Variants in ENTPD1 observed in about 807,000 individuals in gnomAD.
The protein encoded by ENTPD1 is ATP diphosphohydrolase.
A neutral mutation model predicts 57.0 loss-of-function variants in ENTPD1; 33 were observed. That is an observed-to-expected ratio of 0.58 (90% CI 0.44 to 0.77). The LOEUF is 0.77. Among genes scored for constraint, ENTPD1 ranks in the 30% least tolerant of loss-of-function variants. The pLI, the probability that ENTPD1 is intolerant of heterozygous loss-of-function variation, is 0.00. For synonymous variants in ENTPD1, 202 were observed against 218.8 expected (o/e 0.92, Z 0.68); for missense variants, 501 against 603.4 (o/e 0.83, Z 1.78).
Position 95,798,837 on chromosome 10 carries a change from G to A in ENTPD1, c.17-24400G>A, listed in dbSNP as rs552611754. 2.9e-4 allele frequency among the ~76,000 whole-genome samples: 44 copies of A among 152,296 alleles called. No homozygotes were observed. The South Asian group carries it at 8.9e-3, about 31-fold the overall frequency. On this transcript the variant is annotated intron_variant, in intron 1 of 9. Transcript: ENST00000371205. ...ATTGTTGTAACTCTGAAGGAGAAAA[G>A]GCATGTGGAATTACTATTGTCTGCA...
At position 95,868,778 on chromosome 10, in the gene ENTPD1, A is replaced by T; in HGVS notation, c.*2395A>T. On this transcript the variant is annotated 3_prime_UTR_variant, in exon 10 of 10. Coordinates refer to ENST00000371205, the MANE Select transcript of ENTPD1 (RefSeq NM_001776.6). ...CAGCAAGTTGGAATTAGACTTCACA[A>T]GTCTCCTTCAGAGAACACAAATCTT... is the stretch of plus-strand genomic sequence containing the variant. The T allele has an allele frequency of 3.0e-6, 3 of 985,352 alleles. No individual in the cohort carries two copies. The highest frequency in any genetic ancestry group is 1.7e-5 in the African/African-American group (1 of 57,326). The allele number at this position is 985,352 out of a possible 1,614,324, so 61.0% of individuals were successfully genotyped here. A position where few individuals can be genotyped will look rare whatever the true frequency, so the allele number is the denominator to read the frequency against.
upstream of ENTPD1, among the ~76,000 whole-genome samples, chr10:95,711,228 C>T (rs1179065417): frequency 6.6e-6 from 1 of 152,158 alleles, no homozygotes; most frequent in South Asian, 2.1e-4. Flanking sequence ...CTGACTGTTC[C>T]AGATTGTTGA....
chr10:95,778,526 A>G (rs1589791246), intron 1 of ENTPD1, among the ~76,000 whole-genome samples: 1 of 152,234 alleles, frequency 6.6e-6, no homozygotes, highest in East Asian at 1.9e-4. Context: ...GGGGAAACTA[A>G]TATTCCCTAA....
intron 1 of ENTPD1, among the ~76,000 whole-genome samples, chr10:95,785,455 T>C (rs955576561): frequency 6.6e-6 from 1 of 152,238 alleles, no homozygotes; most frequent in Non-Finnish European, 1.5e-5. Context: ...GTCCAGCCTA[T>C]AGTTGACTTT....
chr10:95,745,336 C>G (rs1459417710), intron 1 of ENTPD1, among the ~76,000 whole-genome samples: 2 of 152,060 alleles, frequency 1.3e-5, no homozygotes, highest in Non-Finnish European at 2.9e-5. Context: ...ACATGAGCCA[C>G]CATGCCCAGC....
In ENTPD1 at chr10:95,870,115, G is replaced by A. The variant is rs1052425990; in HGVS notation, c.*3732G>A. Reference sequence around the variant, plus strand: ...TCCTAAAAAAGCTTTTGAGATCCTAGGTTGTATTCCTCAGGTTTTGTTGCC... The same window carrying A: ...TCCTAAAAAAGCTTTTGAGATCCTAAGTTGTATTCCTCAGGTTTTGTTGCC... On this transcript the variant is annotated 3_prime_UTR_variant, in exon 10 of 10. Coordinates refer to ENST00000371205, the MANE Select transcript of ENTPD1 (RefSeq NM_001776.6). 1 of 985,248 alleles carries A rather than the reference G, an allele frequency of 1.0e-6. No homozygotes were observed. The highest frequency in any genetic ancestry group is 1.7e-5 in the African/African-American group (1 of 57,208). The allele number at this position is 985,248 out of a possible 1,614,324, so 61.0% of individuals were successfully genotyped here. A position where few individuals can be genotyped will look rare whatever the true frequency, so the allele number is the denominator to read the frequency against.
In ENTPD1 at chr10:95,713,033, T is replaced by TTAA. The variant is rs1555272408; in HGVS notation, c.37+1040_37+1041insTAA. 5.6e-4 allele frequency among the ~76,000 whole-genome samples: 80 copies of TTAA among 143,038 alleles called. 4 individuals carry two copies. The Middle Eastern group carries it at 0.011, about 20-fold the overall frequency. The allele number at this position is 143,038 out of a possible 152,430, so 93.8% of individuals were successfully genotyped here. A position where few individuals can be genotyped will look rare whatever the true frequency, so the allele number is the denominator to read the frequency against. On this transcript the variant is annotated intron_variant, in intron 1 of 9. Transcript: ENST00000453258. Reference sequence around the variant, plus strand: ...TGGGCGACAGAGCGAGATTCTGTCTTAAAAAAAAAAAAAAAAAAATAGGCT... The same window carrying TTAA: ...TGGGCGACAGAGCGAGATTCTGTCTTTAAAAAAAAAAAAAAAAAAAAATAGGCT...
chr10:95,750,358 T>A (rs1306544310), intron 1 of ENTPD1, among the ~76,000 whole-genome samples: 1 of 152,122 alleles, frequency 6.6e-6, no homozygotes, highest in East Asian at 1.9e-4. Flanking sequence ...TGGGGGCAGA[T>A]CCCTCATGAA....
chr10:95,830,813 A>G (rs1331170228), intron 2 of ENTPD1, among the ~76,000 whole-genome samples: 1 of 152,142 alleles, frequency 6.6e-6, no homozygotes, highest in Non-Finnish European at 1.5e-5. Context: ...AAAAAAAAGA[A>G]AAAAAAGCCC....
chr10:95,808,800 A>T (rs545000028), intron 1 of ENTPD1, among the ~76,000 whole-genome samples: 40 of 151,458 alleles, frequency 2.6e-4, no homozygotes, highest in Non-Finnish European at 4.3e-4. Context: ...ATAGGACAAT[A>T]GTGGAGAGAA....
intron 1 of ENTPD1, among the ~76,000 whole-genome samples, chr10:95,721,330 A>G (rs541994330): frequency 6.6e-4 from 101 of 152,288 alleles, no homozygotes; most frequent in Middle Eastern, 3.4e-3. Context: ...TACACTGGGA[A>G]CTGCCTGCTG....
chr10:95,871,019 G>A lies in ENTPD1; in HGVS notation c.*4636G>A, dbSNP rs548501913. On this transcript the variant is annotated 3_prime_UTR_variant, in exon 10 of 10. Transcript: ENST00000371205. The stretch of plus-strand genomic sequence containing the variant: ...CTCATGATGAACCCCGCAGAGGCTC[G>A]TGAAAGTGAGAGGAAACTAGGATGC... The A allele has an allele frequency of 2.2e-4, 213 of 985,398 alleles. No individual in the cohort carries two copies. The highest frequency in any genetic ancestry group is 5.2e-4 in the Middle Eastern group (1 of 1,914). 61.0% of individuals were successfully genotyped at this position (985,398 alleles called of 1,614,324 possible).
rs587777200 is a variant in ENTPD1 at position 95,844,582 on chromosome 10, G to A, written c.520G>A (p.Glu174Lys). The change falls in exon 5 of 10, where the codon GAA becomes AAA. Residue 174 changes from glutamate (E) to lysine (K), a missense_variant. Transcript: ENST00000371205. ...QGARIITGQE[E>K]GAYGWITINY... ...TGCCAGGATCATTACTGGCCAAGAG[G>A]AAGGTGCCTATGGCTGGATTACTAT... 1.2e-6 allele frequency: 2 copies of A among 1,614,082 alleles called. No homozygotes were observed. The highest frequency in any genetic ancestry group is 1.7e-5 in the Admixed American group (1 of 60,006).
chr10:95,810,750 A>G lies in ENTPD1; in HGVS notation c.17-12487A>G, dbSNP rs796136348. Among the ~76,000 whole-genome samples the G allele has an allele frequency of 2.6e-5, 4 of 152,206 alleles. No individual in the cohort carries two copies. The South Asian group carries it at 8.3e-4, about 31-fold the overall frequency. On this transcript the variant is annotated intron_variant, in intron 1 of 9. Coordinates refer to ENST00000371205, the MANE Select transcript of ENTPD1 (RefSeq NM_001776.6). ...GGTGATTTGGCTAAAAGCTACTCTC[A>G]TCTATTATATATTCATCTTACTAGT... is the stretch of plus-strand genomic sequence containing the variant.
At chr10:95,844,364 A>G (rs1590120976) in intron 4 of ENTPD1, 112 bp from the exon 5 acceptor site, 2 of 1,434,684 alleles carry the variant, frequency 1.4e-6, no homozygotes, top group Non-Finnish European at 2.0e-6. Flanking sequence ...CATTTATTCC[A>G]GGGCATTATG....
chr10:95,839,064 T>G (rs1263215285), intron 2 of ENTPD1, among the ~76,000 whole-genome samples: 1 of 152,220 alleles, frequency 6.6e-6, no homozygotes, highest in Admixed American at 6.5e-5. Flanking sequence ...TTTTTACACC[T>G]CTCCTTAAAA....
exon 1 of ENTPD1, chr10:95,711,977 G>C (rs959026251): frequency 1.5e-5 from 24 of 1,613,612 alleles, no homozygotes; most frequent in Non-Finnish European, 2.0e-5. Context: ...CCAAGGACCT[G>C]ACAAGCCAGC....
At chr10:95,698,432 AAAG>A in the ENTPD1 span, among the ~76,000 whole-genome samples, 1 of 152,250 alleles carries the variant, frequency 6.6e-6, no homozygotes, top group African/African-American at 2.4e-5. Flanking sequence ...GAAGAGTAAA[AAAG>A]CACGTTCAGC....
chr10:95,696,230 G>T, the ENTPD1 span, among the ~76,000 whole-genome samples: 3 of 152,036 alleles, frequency 2.0e-5, no homozygotes, highest in Non-Finnish European at 4.4e-5. Context: ...TAAGCAAAAA[G>T]ATTATTTGTA....
Sources: allele counts gnomAD v4.1 joint callset (sites outside exome capture counted in the v4.1 genomes callset), GRCh38; gene constraint gnomAD v4.1.1; transcripts MANE v1.5; gene names NCBI Gene and HGNC (gene_info 2026-07-23, HGNC 2026-07-21).